GRM7: variants seen among roughly 807,000 people sequenced by gnomAD.
The protein encoded by GRM7 is glutamate metabotropic receptor 7.
A neutral mutation model predicts 84.5 loss-of-function variants in GRM7; 35 were observed. The ratio of observed to expected loss-of-function variants is 0.41; its 90% CI spans 0.32 to 0.55. GRM7 has a LOEUF of 0.55. Ranked by LOEUF, GRM7 falls within the 20% of genes least tolerant of loss-of-function variation. GRM7 has a pLI of 0.19. For missense variants in GRM7, 1,003 were observed against 1,194.6 expected (o/e 0.84, Z 2.36); for synonymous variants, 487 against 455.1 (o/e 1.07, Z -0.89).
At chr3:7,292,939 C>T (rs532685469) in intron 2 of GRM7, among the ~76,000 whole-genome samples, 16 of 148,154 alleles carry the variant, frequency 1.1e-4, no homozygotes, top group African/African-American at 4.0e-4. Context: ...GGGGCCAAGG[C>T]AGGAGAATTG....
intron 9 of GRM7, among the ~76,000 whole-genome samples, chr3:7,706,314 T>C (rs753884430): frequency 3.4e-4 from 51 of 152,188 alleles, no homozygotes; most frequent in Admixed American, 2.6e-4. Context: ...TACAAAGATA[T>C]CTCTATCTGT....
At chr3:7,011,935 T>G (rs1301907312) in intron 1 of GRM7, among the ~76,000 whole-genome samples, 1 of 152,196 alleles carries the variant, frequency 6.6e-6, no homozygotes, top group East Asian at 1.9e-4. Flanking sequence ...ATTCTGTCCT[T>G]TGTCTTGCAA....
intron 1 of GRM7, among the ~76,000 whole-genome samples, chr3:7,071,205 T>C (rs1697869173): frequency 6.6e-6 from 1 of 152,090 alleles, no homozygotes; most frequent in Non-Finnish European, 1.5e-5. Flanking sequence ...GGTATTGGTT[T>C]TTCAGTTGCT....
intron 8 of GRM7, among the ~76,000 whole-genome samples, chr3:7,615,975 TAGTAGATA>T (rs1697060965): frequency 6.6e-6 from 1 of 152,050 alleles, no homozygotes; most frequent in Non-Finnish European, 1.5e-5. Context: ...CACACATATA[TAGTAGATA>T]AGTAGATACA....
chr3:7,066,547 CA>C (rs1203481754), intron 1 of GRM7, among the ~76,000 whole-genome samples: 1 of 151,668 alleles, frequency 6.6e-6, no homozygotes, highest in South Asian at 2.1e-4. Context: ...TTACCAACAA[CA>C]AAAAAAGTCC....
intron 5 of GRM7, among the ~76,000 whole-genome samples, chr3:7,423,940 C>G (rs951382421): frequency 6.6e-6 from 1 of 152,066 alleles, no homozygotes; most frequent in African/African-American, 2.4e-5. Context: ...TGGGTGCTGG[C>G]TTTAAGTACA....
chr3:7,641,803 C>T (rs1301353304), intron 8 of GRM7, among the ~76,000 whole-genome samples: 1 of 152,098 alleles, frequency 6.6e-6, no homozygotes, highest in Non-Finnish European at 1.5e-5. Context: ...ATATAAAAGA[C>T]AAGGACTTAA....
chr3:7,078,850 TTTG>T (rs1392143728), intron 1 of GRM7, among the ~76,000 whole-genome samples: 2 of 136,848 alleles, frequency 1.5e-5, no homozygotes, highest in African/African-American at 6.1e-5. Context: ...GAACTCTGAG[TTTG>T]TTTTTTTTTT....
intron 2 of GRM7, among the ~76,000 whole-genome samples, chr3:7,231,176 T>C (rs1430978023): frequency 1.3e-5 from 2 of 152,174 alleles, no homozygotes; most frequent in African/African-American, 4.8e-5. Context: ...GAGTGAGCTA[T>C]GGACACTGAA....
In GRM7 at chr3:7,435,781, G is replaced by A. The variant is rs187891243; in HGVS notation, c.1175-16826G>A. Among the ~76,000 whole-genome samples, 139 of 146,988 alleles carry A rather than the reference G, an allele frequency of 9.5e-4. 1 individual carries two copies. The East Asian group carries it at 0.02, about 21-fold the overall frequency. ...TGGCTCACTGCAAGATCTGCCTGCC[G>A]GGTTCATGCCATTCTCTTTCCTCAG... is the stretch of plus-strand genomic sequence containing the variant. On this transcript the variant is annotated intron_variant, in intron 5 of 9. Coordinates refer to ENST00000357716, the MANE Select transcript of GRM7 (RefSeq NM_000844.4).
At chr3:7,473,489 G>GGAGAGAGAGAGAGAGAGAGAGAGAGA (rs372898836) in intron 7 of GRM7, among the ~76,000 whole-genome samples, 23 of 126,496 alleles carry the variant, frequency 1.8e-4, no homozygotes, top group Non-Finnish European at 2.5e-4. Context: ...AAAACGAGAG[G>GGAGAGAGAGAGAGAGAGAGAGAGAGA]GAGAGAGAGA....
chr3:7,731,593 A>G (rs1183994103), intron 9 of GRM7, among the ~76,000 whole-genome samples: 3 of 152,180 alleles, frequency 2.0e-5, no homozygotes, highest in Non-Finnish European at 4.4e-5. Flanking sequence ...CACTTTTGTA[A>G]AGCTAAAGGG....
rs191910456 is a variant in GRM7, at chr3:6,966,394, T to G, written c.519+104487T>G. Reference sequence around the variant, plus strand: ...GGTTGGACTAGTACTTCTGAGATCTTCTAAGCTGAGGATTTTCTGGGGTCT... The same window carrying G: ...GGTTGGACTAGTACTTCTGAGATCTGCTAAGCTGAGGATTTTCTGGGGTCT... On this transcript the variant is annotated intron_variant, in intron 1 of 9. Transcript: ENST00000357716. 2.6e-5 allele frequency among the ~76,000 whole-genome samples: 4 copies of G among 152,290 alleles called. No individual in the cohort carries two copies. The East Asian group carries it at 5.8e-4, about 22-fold the overall frequency.
chr3:7,041,603 C>T (rs1441771084), intron 1 of GRM7, among the ~76,000 whole-genome samples: 2 of 152,152 alleles, frequency 1.3e-5, no homozygotes, highest in South Asian at 2.1e-4. Flanking sequence ...TCCAGGTCTT[C>T]TTATGAACAT....
At chr3:7,337,640 A>G (rs945961810) in intron 4 of GRM7, among the ~76,000 whole-genome samples, 3 of 152,134 alleles carry the variant, frequency 2.0e-5, no homozygotes, top group African/African-American at 7.2e-5. Flanking sequence ...ATGGCCAATA[A>G]ACATATGAAA....
At chr3:7,000,168 C>CTTTTTTTTTTT in intron 1 of GRM7, among the ~76,000 whole-genome samples, 1 of 77,748 alleles carries the variant, frequency 1.3e-5, no homozygotes, top group Non-Finnish European at 2.5e-5. Context: ...GAGGTTGTGA[C>CTTTTTTTTTTT]TTTTTTTTTT....
intron 1 of GRM7, among the ~76,000 whole-genome samples, chr3:6,883,939 G>A (rs1049734064): frequency 2.0e-5 from 3 of 152,212 alleles, no homozygotes; most frequent in Admixed American, 2.0e-4. Context: ...GAGATCATCA[G>A]CACAAGGTCT....
intron 7 of GRM7, chr3:7,561,693 C>G: frequency 2.8e-6 from 1 of 362,120 alleles, no homozygotes; most frequent in South Asian, 2.1e-5. Flanking sequence ...TGAAGTTGAC[C>G]TAACTTCTCA....
At chr3:7,308,687 GGT>G (rs1246100060) in intron 4 of GRM7, among the ~76,000 whole-genome samples, 1 of 152,166 alleles carries the variant, frequency 6.6e-6, no homozygotes, top group African/African-American at 2.4e-5. Context: ...AGTTCACTCA[GGT>G]GACTGTAAGG....
Sources: allele counts gnomAD v4.1 joint callset (sites outside exome capture counted in the v4.1 genomes callset), GRCh38; gene constraint gnomAD v4.1.1; transcripts MANE v1.5; gene names NCBI Gene and HGNC (gene_info 2026-07-23, HGNC 2026-07-21).